Variants in CFB observed in about 807,000 individuals in gnomAD.
The protein encoded by CFB is complement factor B, also known as B-factor, properdin.
In CFB, 59 loss-of-function variants were observed where a neutral mutation model predicts 97.2. That is an observed-to-expected ratio of 0.61 (90% CI 0.49 to 0.75). The LOEUF is 0.75. Among genes scored for constraint, CFB ranks in the 30% least tolerant of loss-of-function variants. The probability of loss-of-function intolerance (pLI) is 0.00; values close to 1 mark genes in which losing one functional copy is unlikely to be tolerated. For missense variants in CFB, 771 were observed against 959.8 expected, an observed-to-expected ratio of 0.80 and a Z score of 2.60; for synonymous variants, 316 against 351.7, an observed-to-expected ratio of 0.90 and a Z score of 1.14.
At position 31,948,906 on chromosome 6, in the gene CFB, C is replaced by T. The variant is rs752237586; in HGVS notation, c.1113C>T (p.Asp371=). 3.7e-6 allele frequency: 6 copies of T among 1,612,770 alleles called. No individual in the cohort carries two copies. Among genetic ancestry groups the T allele is most frequent in the African/African-American group, 2.7e-5 (2 of 74,844 alleles). ...AVYSMMSWPD[D]VPPEGWNRTR... Reference sequence around the variant, plus strand: ...ACAGCATGATGAGCTGGCCAGATGACGTCCCTCCTGAAGGCTGGAACCGCA... The same window carrying T: ...ACAGCATGATGAGCTGGCCAGATGATGTCCCTCCTGAAGGCTGGAACCGCA... The change falls in exon 8 of 18, where the codon GAC becomes GAT. Residue 371 remains aspartate, a synonymous_variant. Transcript: ENST00000425368.
At chr6:31,948,619 CA>C (rs886439166) in intron 7 of CFB, 107 bp downstream of exon 7, 19 of 1,569,082 alleles carry the variant, frequency 1.2e-5, no homozygotes, top group Admixed American at 1.7e-5. Context: ...ACTTTGTAGT[CA>C]AAAGTTGAAC....
rs373731176 is a variant in CFB at position 31,947,325 on chromosome 6, C to G, written c.485-23C>G. Reference sequence around the variant, plus strand: ...CGGGGCCTCAGGCTTCAGTGCTTACCTCGATGTCTCATACCTCTGCAGCGG... The same window carrying G: ...CGGGGCCTCAGGCTTCAGTGCTTACGTCGATGTCTCATACCTCTGCAGCGG... On this transcript the variant is annotated intron_variant, in intron 3 of 17. Transcript: ENST00000425368. The surrounding 1 kb of genome is among the most constrained non-coding windows in gnomAD (Gnocchi z 5.3). 1 of 1,612,852 alleles carries G rather than the reference C, an allele frequency of 6.2e-7. No homozygotes were observed. Among genetic ancestry groups the G allele is most frequent in the African/African-American group, 1.3e-5 (1 of 75,042 alleles).
intron 10 of CFB, chr6:31,949,781 G>A (rs1340394310): frequency 1.2e-5 from 8 of 666,814 alleles, no homozygotes; most frequent in African/African-American, 2.4e-5. Context: ...CATTTGACAC[G>A]TGGAAACAGA....
intron 8 of CFB, 30 bp downstream of exon 8, chr6:31,948,991 CT>C: frequency 6.2e-7 from 1 of 1,612,742 alleles, no homozygotes; most frequent in Non-Finnish European, 8.5e-7. Flanking sequence ...CTGTCCCAGC[CT>C]CCCCACCTTC....
At chr6:31,949,764 A>G in intron 10 of CFB, 1 of 714,840 alleles carries the variant, frequency 1.4e-6, no homozygotes, top group East Asian at 2.7e-5. Context: ...ATCTTTCTAT[A>G]GTCCTACATT....
chr6:31,946,832 A>T lies in CFB; in HGVS notation c.299-175A>T. 1.2e-6 allele frequency: 1 copy of T among 800,746 alleles called. No individual in the cohort carries two copies. Among genetic ancestry groups the T allele is most frequent in the Non-Finnish European group, 2.1e-6 (1 of 477,386 alleles). The allele number at this position is 800,746 out of a possible 1,614,324, so 49.6% of individuals were successfully genotyped here. ...CCCTGGAAGTCAAGAGAACACTCAG[A>T]AATGGGGAGGGAGAAGCAGTGGAAA... On this transcript the variant is annotated intron_variant, in intron 2 of 17. Transcript: ENST00000425368. This position sits in a 1 kb window ranked among gnomAD's most constrained non-coding sequence, Gnocchi z 6.4.
At position 31,947,500 on chromosome 6, in the gene CFB, G is replaced by C. The variant is rs1342942255; in HGVS notation, c.637G>C (p.Gly213Arg). ...RTCQEGGSWS[G>R]TEPSCQDSFM... ...GTGTCAGGAAGGTGGCTCTTGGAGCGGGACGGAGCCTTCCTGCCAAGGTGA... is the reference window on the plus strand; with the variant it reads ...GTGTCAGGAAGGTGGCTCTTGGAGCCGGACGGAGCCTTCCTGCCAAGGTGA... Residue 213 changes from glycine (G) to arginine (R), a missense_variant, in exon 4 of 18, where the codon GGG becomes CGG. By Grantham distance (125) the Gly-to-Arg change is moderately radical. Transcript: ENST00000425368. The surrounding 1 kb of genome is among the most constrained non-coding windows in gnomAD (Gnocchi z 5.3). The C allele has an allele frequency of 1.9e-6, 3 of 1,612,922 alleles. No individual in the cohort carries two copies. The highest frequency in any genetic ancestry group is 2.2e-5 in the East Asian group (1 of 44,874).
chr6:31,947,811 A>G lies in CFB; in HGVS notation c.728A>G (p.Glu243Gly), dbSNP rs758028930. The G allele has an allele frequency of 6.2e-7, 1 of 1,613,722 alleles. No homozygotes were observed. The highest frequency in any genetic ancestry group is 8.5e-7 in the Non-Finnish European group (1 of 1,180,024). ...AFLSSLTETI[E>G]GVDAEDGHGP... The stretch of plus-strand genomic sequence containing the variant: ...CTGTCTTCCCTGACAGAGACCATAG[A>G]AGGAGTCGATGCTGAGGATGGGCAC... The change falls in exon 5 of 18, where the codon GAA (glutamate) becomes GGA (glycine). Residue 243 changes from glutamate (E) to glycine (G), a missense_variant. Coordinates refer to ENST00000425368, the MANE Select transcript of CFB (RefSeq NM_001710.6). The surrounding 1 kb of genome is among the most constrained non-coding windows in gnomAD (Gnocchi z 5.3).
chr6:31,947,633 T>C lies in CFB; in HGVS notation c.659-109T>C. 6.3e-7 allele frequency: 1 copy of C among 1,575,766 alleles called. No homozygotes were observed. Among genetic ancestry groups the C allele is most frequent in the Non-Finnish European group, 8.7e-7 (1 of 1,146,612 alleles). On this transcript the variant is annotated intron_variant, in intron 4 of 17. Coordinates refer to ENST00000425368, the MANE Select transcript of CFB (RefSeq NM_001710.6). The surrounding 1 kb of genome is among the most constrained non-coding windows in gnomAD (Gnocchi z 5.3). ...CTTTGTTTAAACCTCCCTGTACAAC[T>C]ATCTCACTTCTGAGCCTTTTATACC...
At position 31,949,475 on chromosome 6, in the gene CFB, G is replaced by A; in HGVS notation, c.1326G>A (p.Leu442=). The A allele has an allele frequency of 3.1e-6, 5 of 1,614,058 alleles. No individual in the cohort carries two copies. Among genetic ancestry groups the A allele is most frequent in the Non-Finnish European group, 4.2e-6 (5 of 1,180,038 alleles). ...TGAACCAAGTGAACATCAATGCTTT[G>A]GCTTCCAAGAAAGACAATGAGCAAC... The part of the protein sequence containing the change: ...PLVNQVNINA[L]ASKKDNEQHV... Residue 442 remains leucine (L), a synonymous_variant, in exon 10 of 18, where the codon TTG becomes TTA. Transcript: ENST00000425368.
rs767304522 is a variant in CFB, at chr6:31,948,520, G to A, written c.1036+8G>A. ...ATGAAATCAATTATGAAGGTCAGAG[G>A]TTAGGGAATGGTGGGAGGTTCACTT... On this transcript the variant is annotated splice_region_variant and intron_variant, in intron 7 of 17. Transcript: ENST00000425368. 8.7e-6 allele frequency: 14 copies of A among 1,613,984 alleles called. No individual in the cohort carries two copies. The highest frequency in any genetic ancestry group is 4.5e-5 in the East Asian group (2 of 44,888).
At position 31,951,338 on chromosome 6, in the gene CFB, C is replaced by T. The variant is rs113462695; in HGVS notation, c.1957-3C>T. The T allele has an allele frequency of 3.1e-6, 5 of 1,614,056 alleles. No homozygotes were observed. The East Asian group carries it at 6.7e-5, about 22-fold the overall frequency. On this transcript the variant is annotated splice_polypyrimidine_tract_variant and splice_region_variant and intron_variant, in intron 15 of 17. Transcript: ENST00000425368. This position sits in a 1 kb window ranked among gnomAD's most constrained non-coding sequence, Gnocchi z 4.3. ...TTCTCCATGCTTCCCACCTCCCCTA[C>T]AGAAAGGCAGCTGTGAGAGAGATGC...
chr6:31,950,947 A>C lies in CFB; in HGVS notation c.1855+3A>C. On this transcript the variant is annotated splice_donor_region_variant and intron_variant, in intron 14 of 17. Transcript: ENST00000425368. ...AACTACCACTTGCCAGCAACAAAGT[A>C]AGACATACTTGGCAAGAGGATAAGG... The C allele has an allele frequency of 6.2e-7, 1 of 1,612,938 alleles. No individual in the cohort carries two copies. The highest frequency in any genetic ancestry group is 8.5e-7 in the Non-Finnish European group (1 of 1,179,964).
chr6:31,950,880 C>T lies in CFB; in HGVS notation c.1791C>T (p.Leu597=), dbSNP rs1168404622. 1 of 1,613,036 alleles carries T rather than the reference C, an allele frequency of 6.2e-7. No individual in the cohort carries two copies. The highest frequency in any genetic ancestry group is 2.2e-5 in the East Asian group (1 of 44,884). The change falls in exon 14 of 18, where the codon CTC becomes CTT. Residue 597 remains leucine (L), a synonymous_variant. Coordinates refer to ENST00000425368, the MANE Select transcript of CFB (RefSeq NM_001710.6). The part of the protein sequence containing the change: ...KYGQTIRPIC[L]PCTEGTTRAL... The stretch of plus-strand genomic sequence containing the variant: ...TTGTCCTTTATAGGCCCATTTGTCT[C>T]CCCTGCACCGAGGGAACAACTCGAG...
Position 31,948,948 on chromosome 6 carries a change from C to T in CFB, c.1155C>T (p.Ile385=). Residue 385 remains isoleucine (I), a synonymous_variant, in exon 8 of 18, where the codon ATC becomes ATT. Transcript: ENST00000425368. ...GGAACCGCACCCGCCATGTCATCAT[C>T]CTCATGACTGATGGTCAGAAGGGAC... ...EGWNRTRHVI[I]LMTDGLHNMG... The T allele has an allele frequency of 6.2e-7, 1 of 1,613,004 alleles. No homozygotes were observed. Among genetic ancestry groups the T allele is most frequent in the Non-Finnish European group, 8.5e-7 (1 of 1,180,034 alleles).
chr6:31,949,093 C>T (rs1771603851), intron 8 of CFB, 132 bp downstream of exon 8: 2 of 1,456,464 alleles, frequency 1.4e-6, no homozygotes, highest in Admixed American at 1.8e-5. Flanking sequence ...GTTCATCTCT[C>T]CTGTGACCCT....
At chr6:31,949,152 C>T in intron 8 of CFB, 91 bp from the exon 9 acceptor site, 1 of 1,457,922 alleles carries the variant, frequency 6.9e-7, no homozygotes. Context: ...TCTAACCCTT[C>T]CTCAACTTGC....
chr6:31,947,151 A>T lies in CFB; in HGVS notation c.443A>T (p.Asn148Ile), dbSNP rs1477782854. ...TCTGCCAATCGCACCTGCCAAGTGA[A>T]TGGCCGATGGAGTGGGCAGACAGCG... ...RGSANRTCQV[N>I]GRWSGQTAIC... The change falls in exon 3 of 18, where the codon AAT becomes ATT. Residue 148 changes from asparagine to isoleucine, a missense_variant. Coordinates refer to ENST00000425368, the MANE Select transcript of CFB (RefSeq NM_001710.6). This position sits in a 1 kb window ranked among gnomAD's most constrained non-coding sequence, Gnocchi z 5.3. The T allele has an allele frequency of 6.2e-7, 1 of 1,612,954 alleles. No individual in the cohort carries two copies. Among genetic ancestry groups the T allele is most frequent in the Admixed American group, 1.7e-5 (1 of 60,020 alleles).
At chr6:31,949,651 G>GA in intron 10 of CFB, 94 bp downstream of exon 10, 1 of 1,495,630 alleles carries the variant, frequency 6.7e-7, no homozygotes, top group Non-Finnish European at 9.2e-7. Flanking sequence ...TAGTTGCCTG[G>GA]AAAGCCTTCT....
Sources: gnomAD v4.1 joint callset for allele counts on GRCh38, gnomAD v4.1.1 for gene constraint, Gnocchi (gnomAD v3.1) non-coding constraint, MANE v1.5 for transcripts, NCBI Gene and HGNC (gene_info 2026-07-23, HGNC 2026-07-21) for gene names.